TSPAN5: variants seen among roughly 807,000 people sequenced by gnomAD.
The protein encoded by TSPAN5 is tetraspanin 5.
A neutral mutation model predicts 37.1 loss-of-function variants in TSPAN5; 10 were observed. The observed-to-expected ratio is 0.27, with a 90% CI of 0.17 to 0.46. The LOEUF (loss-of-function observed/expected upper bound fraction) is 0.46. Among genes scored for constraint, TSPAN5 ranks in the 20% least tolerant of loss-of-function variants. The pLI is 1.00. For missense variants in TSPAN5, 195 were observed against 326.6 expected (o/e 0.60, Z 3.11); for synonymous variants, 110 against 118.9 (o/e 0.93, Z 0.48).
chr4:98,583,596 A>G (rs1264679234), intron 1 of TSPAN5, among the ~76,000 whole-genome samples: 3 of 152,236 alleles, frequency 2.0e-5, no homozygotes, highest in Admixed American at 1.3e-4. Flanking sequence ...GTTCAACTTG[A>G]TAAGAGAGGA....
chr4:98,630,696 A>G (rs1473090226), intron 1 of TSPAN5, among the ~76,000 whole-genome samples: 1 of 152,188 alleles, frequency 6.6e-6, no homozygotes, highest in African/African-American at 2.4e-5. Context: ...AAGAAACTTA[A>G]GTCCACTTAG....
intron 1 of TSPAN5, among the ~76,000 whole-genome samples, chr4:98,530,730 TACAC>T (rs60087929): frequency 2.0e-5 from 3 of 150,254 alleles, no homozygotes; most frequent in Non-Finnish European, 3.0e-5. Context: ...ACACATATTA[TACAC>T]ACACACACAC....
intron 1 of TSPAN5, among the ~76,000 whole-genome samples, chr4:98,612,268 G>A (rs2110235899): frequency 1.3e-5 from 2 of 152,216 alleles, no homozygotes; most frequent in South Asian, 4.2e-4. Context: ...GGAGCAGGAG[G>A]AAGAAGCAAG....
chr4:98,619,574 T>C (rs1756432147), intron 1 of TSPAN5, among the ~76,000 whole-genome samples: 1 of 152,176 alleles, frequency 6.6e-6, no homozygotes, highest in South Asian at 2.1e-4. Context: ...GGCAATACTG[T>C]AGTGAGCAAA....
At chr4:98,652,031 ATT>A (rs147104063) in intron 1 of TSPAN5, among the ~76,000 whole-genome samples, 1 of 150,288 alleles carries the variant, frequency 6.7e-6, no homozygotes, top group Non-Finnish European at 1.5e-5. Flanking sequence ...TTAATTTTTA[ATT>A]TTTTTTTGTA....
chr4:98,505,791 T>C (rs1022736641), intron 2 of TSPAN5, among the ~76,000 whole-genome samples: 3 of 152,164 alleles, frequency 2.0e-5, no homozygotes, highest in African/African-American at 7.2e-5. Context: ...TAACACCCGC[T>C]TCACCCTCTG....
At chr4:98,601,322 G>A (rs532739750) in intron 1 of TSPAN5, among the ~76,000 whole-genome samples, 1 of 152,304 alleles carries the variant, frequency 6.6e-6, no homozygotes, top group South Asian at 2.1e-4. Context: ...AGTCTTGGAT[G>A]GCATCTTCTT....
chr4:98,637,902 T>C (rs1756889968), intron 1 of TSPAN5, among the ~76,000 whole-genome samples: 1 of 152,214 alleles, frequency 6.6e-6, no homozygotes, highest in Non-Finnish European at 1.5e-5. Flanking sequence ...CTTTCCTTCA[T>C]GTCCAACAGT....
intron 3 of TSPAN5, 141 bp from the exon 4 acceptor site, chr4:98,482,316 T>C: frequency 4.3e-6 from 3 of 690,926 alleles, no homozygotes; most frequent in Non-Finnish European, 2.3e-6. Flanking sequence ...CAGTTTCTGC[T>C]GATTCATTAA....
chr4:98,620,475 T>C (rs998444545), intron 1 of TSPAN5, among the ~76,000 whole-genome samples: 15 of 152,240 alleles, frequency 9.9e-5, no homozygotes, highest in African/African-American at 2.4e-5. Context: ...TCTCTATTCC[T>C]GACCTGCAGA....
At chr4:98,617,512 C>T (rs868081285) in intron 1 of TSPAN5, among the ~76,000 whole-genome samples, 1 of 152,318 alleles carries the variant, frequency 6.6e-6, no homozygotes, top group Middle Eastern at 3.4e-3. Flanking sequence ...CAAAGCACTG[C>T]TTACTGCTCT....
chr4:98,541,689 AAAAAAAG>A (rs1754360937), intron 1 of TSPAN5, among the ~76,000 whole-genome samples: 1 of 122,258 alleles, frequency 8.2e-6, no homozygotes, highest in African/African-American at 2.9e-5. Context: ...AAAAAAAAAA[AAAAAAAG>A]AGAGAGAGAG....
At chr4:98,622,972 TAAG>T (rs1560563991) in intron 1 of TSPAN5, among the ~76,000 whole-genome samples, 1 of 152,174 alleles carries the variant, frequency 6.6e-6, no homozygotes, top group Non-Finnish European at 1.5e-5. Context: ...CATTTTGTAA[TAAG>T]AAACAGATTT....
intron 1 of TSPAN5, among the ~76,000 whole-genome samples, chr4:98,580,676 G>C (rs1755347127): frequency 6.6e-6 from 1 of 152,192 alleles, no homozygotes; most frequent in Non-Finnish European, 1.5e-5. Context: ...TTCATAAAGA[G>C]AGTTATTTAT....
intron 1 of TSPAN5, among the ~76,000 whole-genome samples, chr4:98,569,642 A>G (rs1388976478): frequency 6.6e-6 from 1 of 152,208 alleles, no homozygotes; most frequent in Admixed American, 6.5e-5. Context: ...AAGAGACACT[A>G]AGGAAGTAAA....
At chr4:98,531,797 G>A (rs559140724) in intron 1 of TSPAN5, among the ~76,000 whole-genome samples, 14 of 152,190 alleles carry the variant, frequency 9.2e-5, no homozygotes, top group African/African-American at 3.4e-4. Flanking sequence ...GTTTTGATTT[G>A]TGGTCTAATG....
chr4:98,498,165 C>T (rs1305116161), intron 2 of TSPAN5, among the ~76,000 whole-genome samples: 1 of 152,156 alleles, frequency 6.6e-6, no homozygotes, highest in Admixed American at 6.5e-5. Flanking sequence ...CTACTTCACC[C>T]TCACCAGAAA....
chr4:98,524,993 G>C (rs764099468), intron 1 of TSPAN5, among the ~76,000 whole-genome samples: 1 of 152,126 alleles, frequency 6.6e-6, no homozygotes, highest in Non-Finnish European at 1.5e-5. Context: ...CTATGGCCAG[G>C]TCTGTTAGTT....
intron 1 of TSPAN5, among the ~76,000 whole-genome samples, chr4:98,583,004 A>G (rs62323633): frequency 0.12 from 18,569 of 152,160 alleles, 1,259 homozygotes; most frequent in South Asian, 0.22. Context: ...GAAGGCAGAT[A>G]TACTTACCAT....
Sources: allele counts gnomAD v4.1 joint callset (sites outside exome capture counted in the v4.1 genomes callset), GRCh38; gene constraint gnomAD v4.1.1; transcripts MANE v1.5; gene names NCBI Gene and HGNC (gene_info 2026-07-23, HGNC 2026-07-21).